NXNL1: variants seen among roughly 807,000 people sequenced by gnomAD.
NXNL1 encodes nucleoredoxin like 1, also known as nucleoredoxin-like protein 1.
In NXNL1, 6 loss-of-function variants were observed where a neutral mutation model predicts 7.2. The observed-to-expected ratio is 0.83, with a 90% CI of 0.46 to 1.64. The LOEUF is 1.64. Among genes scored for constraint, NXNL1 ranks in the 40% most tolerant of loss-of-function variants. The pLI, the probability that NXNL1 is intolerant of heterozygous loss-of-function variation, is 0.01. For synonymous variants in NXNL1, 133 were observed against 127.2 expected (o/e 1.05, Z -0.31); for missense variants, 308 against 285.1 (o/e 1.08, Z -0.58).
chr19:17,457,642 G>A (rs1470131921), intron 1 of NXNL1, among the ~76,000 whole-genome samples: 2 of 152,102 alleles, frequency 1.3e-5, no homozygotes, highest in Non-Finnish European at 2.9e-5. Context: ...CAAAGCACTG[G>A]GATTACAGGC....
intron 1 of NXNL1, among the ~76,000 whole-genome samples, chr19:17,456,706 C>CTAA (rs1283558104): frequency 6.6e-6 from 1 of 151,994 alleles, no homozygotes; most frequent in East Asian, 1.9e-4. Flanking sequence ...ACATGGTTAA[C>CTAA]AGTTCTTAAT....
intron 1 of NXNL1, among the ~76,000 whole-genome samples, chr19:17,458,012 C>T (rs2074999035): frequency 6.6e-6 from 1 of 152,082 alleles, no homozygotes; most frequent in Non-Finnish European, 1.5e-5. Flanking sequence ...AATAATTTAG[C>T]ACAAACTATA....
At chr19:17,456,664 C>T (rs777380562) in intron 1 of NXNL1, among the ~76,000 whole-genome samples, 1 of 151,612 alleles carries the variant, frequency 6.6e-6, no homozygotes, top group Non-Finnish European at 1.5e-5. Context: ...GGCGGATCAC[C>T]GGAGGCCAGG....
intron 1 of NXNL1, among the ~76,000 whole-genome samples, chr19:17,459,574 G>A (rs58868470): frequency 0.029 from 4,396 of 151,774 alleles, 229 homozygotes; most frequent in African/African-American, 0.1. Flanking sequence ...TGCGCCACCA[G>A]GCCTGGCTAA....
intron 1 of NXNL1, among the ~76,000 whole-genome samples, chr19:17,457,307 T>C (rs1321217939): frequency 1.3e-5 from 2 of 152,144 alleles, no homozygotes; most frequent in Non-Finnish European, 2.9e-5. Flanking sequence ...AGTGTAAGTA[T>C]AGCCAAATGC....
At chr19:17,456,430 C>T (rs2074993767) in intron 1 of NXNL1, among the ~76,000 whole-genome samples, 1 of 151,976 alleles carries the variant, frequency 6.6e-6, no homozygotes, top group African/African-American at 2.4e-5. Context: ...CCCTTGAGCC[C>T]AGGATTTCGA....
chr19:17,460,609 C>G lies in NXNL1; in HGVS notation c.261G>C (p.Gln87His). The G allele has an allele frequency of 6.2e-7, 1 of 1,609,914 alleles. No homozygotes were observed. Among genetic ancestry groups the G allele is most frequent in the Non-Finnish European group, 8.5e-7 (1 of 1,180,014 alleles). Residue 87 changes from glutamine to histidine, a missense_variant, in exon 1 of 2, where the codon CAG becomes CAC. Physicochemically the swap from Gln to His is conservative, Grantham distance 24 (BLOSUM62 0). Coordinates refer to ENST00000301944, the MANE Select transcript of NXNL1 (RefSeq NM_138454.2). ...YVSQDSTEEQQDLFLKDMPKK... is the reference protein window; with the variant it reads ...YVSQDSTEEQHDLFLKDMPKK... ...TTGGCATGTCCTTGAGGAACAGGTC[C>G]TGCTGCTCCTCCGTGGAGTCCTGGG...
At position 17,455,681 on chromosome 19, in the gene NXNL1, C is replaced by CCCCCCCCCCCCCGGGGG; in HGVS notation, c.604_605insCCCCCGGGGGGGGGGGG (p.Gly202AlafsTer68). ...CCCCCCGGCCCCGCCCTCCTCCCCA[C>CCCCCCCCCCCCCGGGGG]CCCCTCCCCCGGGGTCGCGCCCGCC... is the stretch of plus-strand genomic sequence containing the variant. On this transcript the variant is annotated frameshift_variant, in exon 2 of 2. Coordinates refer to ENST00000301944, the MANE Select transcript of NXNL1 (RefSeq NM_138454.2). LOFTEE classifies it high-confidence loss of function. 1 of 1,476,266 alleles carries CCCCCCCCCCCCCGGGGG rather than the reference C, an allele frequency of 6.8e-7. No homozygotes were observed. Among genetic ancestry groups the CCCCCCCCCCCCCGGGGG allele is most frequent in the Non-Finnish European group, 9.1e-7 (1 of 1,095,924 alleles). 91.4% of individuals were successfully genotyped at this position (1,476,266 alleles called of 1,614,324 possible).
Position 17,460,914 on chromosome 19 carries a change from C to G in NXNL1, c.-45G>C, listed in dbSNP as rs762540799. On this transcript the variant is annotated 5_prime_UTR_variant, in exon 1 of 2. Transcript: ENST00000301944. ...TGGGGACAGCGCGGCGTGTGGTCCC[C>G]GGTCTGCTGACTGGCTCCTCTCCCA... The G allele has an allele frequency of 1.9e-6, 3 of 1,579,742 alleles. No individual in the cohort carries two copies. The South Asian group carries it at 3.3e-5, about 17-fold the overall frequency.
intron 1 of NXNL1, among the ~76,000 whole-genome samples, chr19:17,456,876 G>A (rs774869466): frequency 6.6e-5 from 10 of 151,778 alleles, no homozygotes; most frequent in African/African-American, 1.7e-4. Flanking sequence ...GTGAAACCCC[G>A]TCTCTACTAA....
At chr19:17,457,532 T>C (rs1484062071) in intron 1 of NXNL1, among the ~76,000 whole-genome samples, 1 of 151,694 alleles carries the variant, frequency 6.6e-6, no homozygotes, top group African/African-American at 2.4e-5. Flanking sequence ...CCACCACACC[T>C]AATTTTTTTT....
chr19:17,460,842 G>T lies in NXNL1; in HGVS notation c.28C>A (p.Leu10Met), dbSNP rs758728000. Residue 10 changes from leucine (L) to methionine (M), a missense_variant, in exon 1 of 2, where the codon CTG becomes ATG. Physicochemically the swap from Leu to Met is conservative, Grantham distance 15 (BLOSUM62 2). Coordinates refer to ENST00000301944, the MANE Select transcript of NXNL1 (RefSeq NM_138454.2). Reference protein sequence around the residue: MASLFSGRILIRNNSDQDEL... With the variant: MASLFSGRIMIRNNSDQDEL... ...TCCTGGTCGCTATTGTTGCGGATCA[G>T]GATGCGGCCAGAGAACAGGGAGGCC... 5 of 1,613,648 alleles carry T rather than the reference G, an allele frequency of 3.1e-6. No homozygotes were observed. The South Asian group carries it at 3.3e-5, about 11-fold the overall frequency.
In NXNL1 at chr19:17,455,938, T is replaced by A; in HGVS notation, c.348A>T (p.Ser116=). Residue 116 remains serine, a synonymous_variant, in exon 2 of 2, where the codon TCA becomes TCT. Coordinates refer to ENST00000301944, the MANE Select transcript of NXNL1 (RefSeq NM_138454.2). ...CCACGACCGCCGGCAGGCGCTCCAC[T>A]GAGAACTGGCGCCCGAGGTCCCTGC... The part of the protein sequence containing the change: ...DLRRDLGRQF[S]VERLPAVVVL... 1 of 1,597,228 alleles carries A rather than the reference T, an allele frequency of 6.3e-7. No homozygotes were observed. The highest frequency in any genetic ancestry group is 8.5e-7 in the Non-Finnish European group (1 of 1,179,262).
intron 1 of NXNL1, among the ~76,000 whole-genome samples, chr19:17,456,307 C>CAAAT (rs79711612): frequency 0.35 from 49,123 of 140,288 alleles, 9,869 homozygotes; most frequent in Middle Eastern, 0.45. Context: ...CCTGTCTCTA[C>CAAAT]AAATAAATAA....
At position 17,460,719 on chromosome 19, in the gene NXNL1, C is replaced by G; in HGVS notation, c.151G>C (p.Val51Leu). 1 of 1,613,756 alleles carries G rather than the reference C, an allele frequency of 6.2e-7. No homozygotes were observed. The highest frequency in any genetic ancestry group is 1.6e-4 in the Middle Eastern group (1 of 6,062). ...AGACPQCQAFVPILKDFFVRL... is the reference protein window; with the variant it reads ...AGACPQCQAFLPILKDFFVRL... The stretch of plus-strand genomic sequence containing the variant: ...ACGAAGAAGTCCTTGAGGATGGGCA[C>G]GAAGGCCTGGCACTGTGGACAAGCC... The change falls in exon 1 of 2, where the codon GTG becomes CTG. Residue 51 changes from valine (V) to leucine (L), a missense_variant. Physicochemically the swap from Val to Leu is conservative, Grantham distance 32. Transcript: ENST00000301944.
chr19:17,458,194 T>C (rs1456329688), intron 1 of NXNL1, among the ~76,000 whole-genome samples: 3 of 151,334 alleles, frequency 2.0e-5, no homozygotes, highest in Admixed American at 6.6e-5. Context: ...TGAACATTTT[T>C]TTTCTTTCTT....
At chr19:17,457,798 C>T (rs2074998508) in intron 1 of NXNL1, among the ~76,000 whole-genome samples, 1 of 152,240 alleles carries the variant, frequency 6.6e-6, no homozygotes, top group South Asian at 2.1e-4. Context: ...CAGCATTTGT[C>T]TGCAGCTGGC....
At chr19:17,458,222 T>TTC (rs1433337439) in intron 1 of NXNL1, among the ~76,000 whole-genome samples, 2 of 101,670 alleles carry the variant, frequency 2.0e-5, no homozygotes, top group African/African-American at 8.0e-5. Context: ...CTTTCTTTCT[T>TTC]TTTTTTTTTT....
chr19:17,458,159 A>G (rs952582567), intron 1 of NXNL1, among the ~76,000 whole-genome samples: 15 of 148,824 alleles, frequency 1.0e-4, no homozygotes, highest in Admixed American at 5.3e-4. Flanking sequence ...TTCATTGTAC[A>G]CTTCTTTCAA....
Sources: gnomAD v4.1 joint callset for allele counts (sites outside exome capture counted in the v4.1 genomes callset) on GRCh38, gnomAD v4.1.1 for gene constraint, MANE v1.5 for transcripts, NCBI Gene and HGNC (gene_info 2026-07-23, HGNC 2026-07-21) for gene names.